PARD6G: variants seen among roughly 807,000 people sequenced by gnomAD.
The protein encoded by PARD6G is par-6 family cell polarity regulator gamma.
PARD6G carries 7 observed loss-of-function variants against 10.7 expected under a neutral mutation model. The ratio of observed to expected loss-of-function variants is 0.66; its 90% CI spans 0.37 to 1.23. PARD6G has a LOEUF of 1.23. PARD6G is among the 50% of genes most tolerant of loss of function. PARD6G has a pLI of 0.02. For missense variants in PARD6G, 548 were observed against 571.8 expected (o/e 0.96, Z 0.42); for synonymous variants, 287 against 269.4 (o/e 1.07, Z -0.64).
chr18:80,233,845 C>G (rs1037242410), intron 1 of PARD6G, among the ~76,000 whole-genome samples: 11 of 152,178 alleles, frequency 7.2e-5, no homozygotes, highest in Non-Finnish European at 1.2e-4. Flanking sequence ...TATAACCCAG[C>G]TTTTGACAAG....
At position 80,181,237 on chromosome 18, in the gene PARD6G, C is replaced by T. The variant is rs2052847129; in HGVS notation, c.296-20631G>A. ...TGTGTGCACCAAGCATGCCAGGGAC[C>T]CCAGGTCACACGCCCCTGGGGGATA... On this transcript the variant is annotated intron_variant, in intron 2 of 2. Transcript: ENST00000353265. This position sits in a 1 kb window ranked among gnomAD's most constrained non-coding sequence, Gnocchi z 7.9. Among the ~76,000 whole-genome samples the T allele has an allele frequency of 6.6e-6, 1 of 152,096 alleles. No individual in the cohort carries two copies. The highest frequency in any genetic ancestry group is 1.5e-5 in the Non-Finnish European group (1 of 68,000).
chr18:80,225,301 C>G (rs913597701), intron 1 of PARD6G, among the ~76,000 whole-genome samples: 4 of 152,186 alleles, frequency 2.6e-5, no homozygotes, highest in Non-Finnish European at 5.9e-5. Flanking sequence ...AGGGCCTGGA[C>G]CCACGTGCTG....
intron 1 of PARD6G, among the ~76,000 whole-genome samples, chr18:80,211,932 G>A (rs7229457): frequency 2.1e-5 from 3 of 145,776 alleles, no homozygotes; most frequent in African/African-American, 8.1e-5. Context: ...TTTGAATGCA[G>A]AGTTTGAGTT....
chr18:80,210,114 C>T (rs757011279), intron 1 of PARD6G, among the ~76,000 whole-genome samples: 6 of 152,004 alleles, frequency 3.9e-5, no homozygotes, highest in Non-Finnish European at 8.8e-5. Context: ...GGTCAATAAG[C>T]AAGGAGACAA....
chr18:80,242,988 A>G (rs1967506444), intron 1 of PARD6G, among the ~76,000 whole-genome samples: 2 of 152,218 alleles, frequency 1.3e-5, no homozygotes, highest in African/African-American at 4.8e-5. Flanking sequence ...TTTCCAGAAG[A>G]AAAGTAGAAA....
chr18:80,214,186 G>A (rs1015912575), intron 1 of PARD6G, among the ~76,000 whole-genome samples: 8 of 151,212 alleles, frequency 5.3e-5, no homozygotes, highest in East Asian at 2.0e-4. Flanking sequence ...GGACAGGCGC[G>A]GTGGCTCACG....
chr18:80,163,181 C>G (rs1265330053), intron 2 of PARD6G, among the ~76,000 whole-genome samples: 1 of 152,194 alleles, frequency 6.6e-6, no homozygotes, highest in Non-Finnish European at 1.5e-5. Context: ...AGGTGGCCAT[C>G]CACATGCTCC....
intron 1 of PARD6G, among the ~76,000 whole-genome samples, chr18:80,229,542 C>A (rs1378482228): frequency 6.6e-6 from 1 of 152,110 alleles, no homozygotes; most frequent in Non-Finnish European, 1.5e-5. Flanking sequence ...TTCCCTGGAG[C>A]CAGCTGGAAA....
chr18:80,195,580 T>TATATATATATATACGTA (rs1217519591), intron 2 of PARD6G, among the ~76,000 whole-genome samples: 1 of 134,314 alleles, frequency 7.4e-6, no homozygotes, highest in African/African-American at 2.8e-5. Flanking sequence ...TATACACACA[T>TATATATATATATACGTA]TTTTTTTTCT....
chr18:80,207,848 G>C, intron 1 of PARD6G, among the ~76,000 whole-genome samples: 1 of 152,258 alleles, frequency 6.6e-6, no homozygotes, highest in African/African-American at 2.4e-5. Context: ...GGGTAACGAA[G>C]CATAAGTTAT....
At position 80,200,552 on chromosome 18, in the gene PARD6G, T is replaced by C. The variant is rs1236501310; in HGVS notation, c.295+2158A>G. ...ACAAAGCCAGGGAGAAGGTGGGGTC[T>C]GAGTTCAGGTCTCCCTAGCTCCACA... On this transcript the variant is annotated intron_variant, in intron 2 of 2. Coordinates refer to ENST00000353265, the MANE Select transcript of PARD6G (RefSeq NM_032510.4). The surrounding 1 kb of genome is among the most constrained non-coding windows in gnomAD (Gnocchi z 4.4). Among the ~76,000 whole-genome samples, 1 of 152,114 alleles carries C rather than the reference T, an allele frequency of 6.6e-6. No homozygotes were observed. Among genetic ancestry groups the C allele is most frequent in the Non-Finnish European group, 1.5e-5 (1 of 68,012 alleles).
intron 1 of PARD6G, among the ~76,000 whole-genome samples, chr18:80,239,406 G>A (rs531678106): frequency 6.6e-6 from 1 of 152,092 alleles, no homozygotes; most frequent in East Asian, 1.9e-4. Flanking sequence ...TCATCATCTT[G>A]GGCCACACAT....
At chr18:80,185,329 G>A (rs542574157) in intron 2 of PARD6G, among the ~76,000 whole-genome samples, 26 of 151,674 alleles carry the variant, frequency 1.7e-4, no homozygotes, top group Admixed American at 3.3e-4. Flanking sequence ...TTTAAGAGGC[G>A]AAGTCTTGCT....
At chr18:80,178,573 T>G (rs930158977) in intron 2 of PARD6G, 1 of 152,390 alleles carries the variant, frequency 6.6e-6, no homozygotes, top group African/African-American at 2.4e-5. Flanking sequence ...CATTTTTGCT[T>G]TAGGAAGGCC....
chr18:80,163,373 A>C (rs1433205663), intron 2 of PARD6G, among the ~76,000 whole-genome samples: 2 of 152,184 alleles, frequency 1.3e-5, no homozygotes, highest in Admixed American at 1.3e-4. Flanking sequence ...ACACGGGCAG[A>C]GTACAGTGAG....
chr18:80,186,644 G>A (rs537956107), intron 2 of PARD6G, among the ~76,000 whole-genome samples: 1 of 147,518 alleles, frequency 6.8e-6, no homozygotes, highest in South Asian at 2.5e-4. Flanking sequence ...CTCTCGATGG[G>A]ATAACTGAGG....
intron 1 of PARD6G, among the ~76,000 whole-genome samples, chr18:80,221,281 T>C (rs997672560): frequency 6.6e-6 from 1 of 152,078 alleles, no homozygotes; most frequent in Non-Finnish European, 1.5e-5. Flanking sequence ...CAGTCCAATA[T>C]CTGTTATGAA....
At chr18:80,205,099 G>A (rs1003577949) in intron 1 of PARD6G, among the ~76,000 whole-genome samples, 1 of 152,230 alleles carries the variant, frequency 6.6e-6, no homozygotes, top group East Asian at 1.9e-4. Flanking sequence ...CTCTGAACAC[G>A]GCTGCACCCT....
At chr18:80,165,083 AG>A (rs1444468059) in intron 2 of PARD6G, among the ~76,000 whole-genome samples, 1 of 152,218 alleles carries the variant, frequency 6.6e-6, no homozygotes, top group Non-Finnish European at 1.5e-5. Flanking sequence ...AGGGTTCGAG[AG>A]CAGAGAACCG....
Sources: allele counts gnomAD v4.1 joint callset (sites outside exome capture counted in the v4.1 genomes callset), GRCh38; gene constraint gnomAD v4.1.1; non-coding constraint Gnocchi (gnomAD v3.1); transcripts MANE v1.5; gene names NCBI Gene and HGNC (gene_info 2026-07-23, HGNC 2026-07-21).